The following PRIM2 variants were observed in gnomAD, a reference collection of about 807,000 sequenced individuals.
PRIM2 encodes the protein DNA primase large subunit.
Under a neutral mutation model 67.3 loss-of-function variants are expected in PRIM2, and 39 were observed. That is an observed-to-expected ratio of 0.58 (90% CI 0.45 to 0.76). The LOEUF is 0.76. PRIM2 is among the 30% of genes least tolerant of loss of function. PRIM2 has a pLI of 0.00. For missense variants in PRIM2, 398 were observed against 598.7 expected (o/e 0.66, Z 3.50); for synonymous variants, 143 against 198.7 (o/e 0.72, Z 2.36).
the PRIM2 span, among the ~76,000 whole-genome samples, chr6:57,240,072 T>C: frequency 6.8e-6 from 1 of 148,092 alleles, no homozygotes; most frequent in Non-Finnish European, 1.5e-5. Context: ...AGCAGGAGGA[T>C]CTAGGGGATC....
chr6:57,222,981 G>T, the PRIM2 span, among the ~76,000 whole-genome samples: 3 of 152,270 alleles, frequency 2.0e-5, no homozygotes, highest in East Asian at 5.8e-4. Context: ...AGGGTGCACG[G>T]ACAGGCAGGT....
At chr6:57,639,276 C>T (rs1454791614) in intron 13 of PRIM2, among the ~76,000 whole-genome samples, 2 of 151,870 alleles carry the variant, frequency 1.3e-5, no homozygotes, top group African/African-American at 4.8e-5. Context: ...AATTTATAGC[C>T]CTAAATGCCC....
intron 12 of PRIM2, among the ~76,000 whole-genome samples, chr6:57,624,893 G>A (rs1776920823): frequency 6.6e-6 from 1 of 152,080 alleles, no homozygotes; most frequent in African/African-American, 2.4e-5. Context: ...TGGCATAGGA[G>A]GCCTCACAAT....
chr6:57,418,708 A>G (rs146122707), intron 7 of PRIM2, among the ~76,000 whole-genome samples: 1 of 151,810 alleles, frequency 6.6e-6, no homozygotes, highest in African/African-American at 2.4e-5. Flanking sequence ...CCTGTTTCCT[A>G]TATTTTTATA....
intron 13 of PRIM2, among the ~76,000 whole-genome samples, chr6:57,634,405 C>T (rs1320668757): frequency 1.3e-5 from 2 of 152,180 alleles, no homozygotes; most frequent in African/African-American, 2.4e-5. Context: ...AAGGAGTAAA[C>T]ATCAAGAAAA....
At chr6:57,292,135 A>T in the PRIM2 span, among the ~76,000 whole-genome samples, 1 of 152,220 alleles carries the variant, frequency 6.6e-6, no homozygotes, top group Non-Finnish European at 1.5e-5. Context: ...GCTGATAAGC[A>T]ACTTTAGCAA....
the PRIM2 span, among the ~76,000 whole-genome samples, chr6:57,286,211 C>G: frequency 6.6e-6 from 1 of 152,042 alleles, no homozygotes; most frequent in Non-Finnish European, 1.5e-5. Context: ...CAATGCTATC[C>G]CCATCAAGCT....
At chr6:57,314,302 G>A (rs1345638405), upstream of PRIM2, among the ~76,000 whole-genome samples, 1 of 152,194 alleles carries the variant, frequency 6.6e-6, no homozygotes, top group Non-Finnish European at 1.5e-5. Context: ...ATCACCTGAG[G>A]TCAGGAGTCT....
intron 7 of PRIM2, among the ~76,000 whole-genome samples, chr6:57,397,959 C>T (rs1314075552): frequency 3.1e-5 from 3 of 95,832 alleles, no homozygotes; most frequent in South Asian, 3.0e-4. Flanking sequence ...ATCTTTCTTT[C>T]TTTCTTTCTT....
At chr6:57,231,299 A>T in the PRIM2 span, among the ~76,000 whole-genome samples, 2 of 152,200 alleles carry the variant, frequency 1.3e-5, 1 homozygote, top group South Asian at 4.1e-4. Context: ...TTTTAAAAAT[A>T]CAATGTTAGG....
chr6:57,414,535 A>G (rs1162992483), intron 7 of PRIM2, among the ~76,000 whole-genome samples: 1 of 152,158 alleles, frequency 6.6e-6, no homozygotes, highest in African/African-American at 2.4e-5. Flanking sequence ...TATTGTTTTC[A>G]CTGGAATCTT....
intron 10 of PRIM2, among the ~76,000 whole-genome samples, chr6:57,564,637 A>G (rs1162511846): frequency 6.6e-6 from 1 of 152,188 alleles, no homozygotes; most frequent in Non-Finnish European, 1.5e-5. Flanking sequence ...CTTTAGGGCA[A>G]AACTTATGAG....
At chr6:57,319,418 G>A (rs932979947) in intron 2 of PRIM2, among the ~76,000 whole-genome samples, 3 of 152,250 alleles carry the variant, frequency 2.0e-5, no homozygotes, top group African/African-American at 7.2e-5. Flanking sequence ...ATCATTCTTA[G>A]AGGAGCAGGG....
chr6:57,463,904 C>T (rs1773095296), intron 7 of PRIM2, among the ~76,000 whole-genome samples: 2 of 152,164 alleles, frequency 1.3e-5, no homozygotes, highest in African/African-American at 4.8e-5. Context: ...GTCCCTGCCT[C>T]TTCCTCTCCA....
At chr6:57,554,791 A>C (rs1194536356) in intron 10 of PRIM2, among the ~76,000 whole-genome samples, 2 of 152,208 alleles carry the variant, frequency 1.3e-5, no homozygotes, top group African/African-American at 4.8e-5. Context: ...TTTTTCCTTC[A>C]TATTTAAATC....
chr6:57,600,853 A>AG (rs1398616014), intron 10 of PRIM2, among the ~76,000 whole-genome samples: 1 of 152,250 alleles, frequency 6.6e-6, no homozygotes, highest in Non-Finnish European at 1.5e-5. Flanking sequence ...AGGTAACATT[A>AG]GCTATCTTCT....
At chr6:57,515,022 C>A (rs1317043011) in intron 8 of PRIM2, among the ~76,000 whole-genome samples, 30 of 152,224 alleles carry the variant, frequency 2.0e-4, no homozygotes, top group African/African-American at 7.0e-4. Flanking sequence ...TGTATAGTCA[C>A]AATATATAAA....
intron 10 of PRIM2, among the ~76,000 whole-genome samples, chr6:57,581,878 C>G (rs1172929383): frequency 6.6e-6 from 1 of 152,196 alleles, no homozygotes; most frequent in Non-Finnish European, 1.5e-5. Context: ...AGGTTTTGTG[C>G]TACACACAGG....
chr6:57,478,191 T>C (rs1773524162), intron 7 of PRIM2, among the ~76,000 whole-genome samples: 1 of 152,202 alleles, frequency 6.6e-6, no homozygotes, highest in East Asian at 1.9e-4. Context: ...TACTGCCTTT[T>C]AAAAAAATTA....
Sources: gnomAD v4.1 joint callset for allele counts (sites outside exome capture counted in the v4.1 genomes callset) on GRCh38, gnomAD v4.1.1 for gene constraint, MANE v1.5 for transcripts, NCBI Gene and HGNC (gene_info 2026-07-23, HGNC 2026-07-21) for gene names.